The following RASSF3 variants were observed in gnomAD, a reference collection of about 807,000 sequenced individuals.
RASSF3 encodes Ras association domain family member 3, also known as ras association domain-containing protein 3.
Under a neutral mutation model 19.9 loss-of-function variants are expected in RASSF3, and 19 were observed. The observed-to-expected ratio is 0.96, with a 90% CI of 0.67 to 1.40. The LOEUF is 1.40. Among genes scored for constraint, RASSF3 ranks in the 40% most tolerant of loss-of-function variants. The pLI is 0.00. For synonymous variants in RASSF3, 110 were observed against 104.2 expected (o/e 1.06, Z -0.34); for missense variants, 306 against 289.8 (o/e 1.06, Z -0.41).
chr12:64,583,940 G>T (rs1281232835), intron 2 of RASSF3, among the ~76,000 whole-genome samples: 3 of 152,140 alleles, frequency 2.0e-5, no homozygotes, highest in African/African-American at 7.2e-5. Flanking sequence ...AGTGTTCCAG[G>T]CACTAATGCT....
chr12:64,693,414 A>ATT (rs71434058), intron 4 of RASSF3, among the ~76,000 whole-genome samples: 1 of 145,660 alleles, frequency 6.9e-6, no homozygotes, highest in African/African-American at 2.5e-5. Context: ...ATCTGTTTTA[A>ATT]TTTTTTTTTT....
chr12:64,568,617 T>C (rs1869469974), intron 2 of RASSF3, among the ~76,000 whole-genome samples: 1 of 152,136 alleles, frequency 6.6e-6, no homozygotes, highest in Non-Finnish European at 1.5e-5. Flanking sequence ...CCAGTCTGTT[T>C]GGTGGGGTTC....
chr12:64,514,432 A>G (rs1868348759), intron 1 of RASSF3, among the ~76,000 whole-genome samples: 1 of 151,364 alleles, frequency 6.6e-6, no homozygotes, highest in African/African-American at 2.4e-5. Flanking sequence ...TGATCTGTCC[A>G]CCTCAGCTTC....
At chr12:64,543,623 G>C (rs1219444986), downstream of RASSF3, among the ~76,000 whole-genome samples, 1 of 144,832 alleles carries the variant, frequency 6.9e-6, no homozygotes, top group Non-Finnish European at 1.5e-5. Flanking sequence ...CACTGCCCAA[G>C]GGCTGAGGAG....
intron 1 of RASSF3, among the ~76,000 whole-genome samples, chr12:64,682,411 A>C (rs1873164521): frequency 6.6e-6 from 1 of 151,962 alleles, no homozygotes. Flanking sequence ...CTCTACTAAA[A>C]ATACAATTAG....
chr12:64,660,137 C>T (rs1872305672), intron 1 of RASSF3, among the ~76,000 whole-genome samples: 1 of 151,812 alleles, frequency 6.6e-6, no homozygotes, highest in African/African-American at 2.4e-5. Context: ...AGGCTGATCT[C>T]AAACTCATGG....
chr12:64,574,222 A>G (rs1047070751), intron 2 of RASSF3, among the ~76,000 whole-genome samples: 5 of 151,612 alleles, frequency 3.3e-5, no homozygotes, highest in Admixed American at 6.6e-5. Context: ...GAGGCAGGAG[A>G]ATGGCTTGAA....
At chr12:64,642,163 G>T (rs541385385) in intron 1 of RASSF3, among the ~76,000 whole-genome samples, 22 of 152,194 alleles carry the variant, frequency 1.4e-4, no homozygotes, top group African/African-American at 5.1e-4. Context: ...AGCTCACCTG[G>T]TTATTTAAAT....
rs1473718166 is a variant in RASSF3, at chr12:64,507,163, GCT to G, written c.8_9del (p.Ser3CysfsTer18). ...GGGTGTTACTGTGCTCCTCATCCAT[GCT>G]CTCTGTAGCGAGTCATTCTGGAACA... On this transcript the variant is annotated frameshift_variant, in exon 1 of 6. Transcript: ENST00000637125. LOFTEE classifies it high-confidence loss of function. 2 of 398,494 alleles carry G rather than the reference GCT, an allele frequency of 5.0e-6. No individual in the cohort carries two copies. Among genetic ancestry groups the G allele is most frequent in the Non-Finnish European group, 8.8e-6 (2 of 226,070 alleles). The allele number at this position is 398,494 out of a possible 1,614,324, so 24.7% of individuals were successfully genotyped here. A position where few individuals can be genotyped will look rare whatever the true frequency, so the allele number is the denominator to read the frequency against.
At chr12:64,586,146 G>A (rs182334825) in intron 2 of RASSF3, among the ~76,000 whole-genome samples, 1 of 152,116 alleles carries the variant, frequency 6.6e-6, no homozygotes, top group Non-Finnish European at 1.5e-5. Flanking sequence ...CCAACATGGC[G>A]AAACCCTGTC....
intron 2 of RASSF3, among the ~76,000 whole-genome samples, chr12:64,569,783 T>A (rs903468094): frequency 6.6e-6 from 1 of 152,136 alleles, no homozygotes; most frequent in Non-Finnish European, 1.5e-5. Context: ...CTGACCAACA[T>A]GAAGAAACCT....
chr12:64,600,681 C>T (rs1290748099), intron 2 of RASSF3, among the ~76,000 whole-genome samples: 1 of 152,100 alleles, frequency 6.6e-6, no homozygotes, highest in African/African-American at 2.4e-5. Flanking sequence ...TTAACTGTGA[C>T]CTATATGTAC....
intron 1 of RASSF3, among the ~76,000 whole-genome samples, chr12:64,620,817 A>G (rs914537998): frequency 6.6e-6 from 1 of 152,128 alleles, no homozygotes; most frequent in Non-Finnish European, 1.5e-5. Context: ...ATTTATGTCT[A>G]TTTTTAAGTT....
chr12:64,659,206 T>C (rs1051268600), intron 1 of RASSF3, among the ~76,000 whole-genome samples: 2 of 152,224 alleles, frequency 1.3e-5, no homozygotes, highest in Admixed American at 6.5e-5. Context: ...ATCTGTTAAA[T>C]AAATTCTTTA....
chr12:64,599,889 G>A (rs57899263), intron 2 of RASSF3, among the ~76,000 whole-genome samples: 6,387 of 151,864 alleles, frequency 0.042, 463 homozygotes, highest in African/African-American at 0.15. Context: ...AAAATTAGCC[G>A]GGCGTGGTGG....
In RASSF3 at chr12:64,589,075, C is replaced by T. The variant is rs554200626; in HGVS notation, c.294+47370C>T. Among the ~76,000 whole-genome samples the T allele has an allele frequency of 2.0e-5, 3 of 152,318 alleles. No individual in the cohort carries two copies. In the East Asian group the frequency reaches 5.8e-4, roughly 29 times the overall value. ...AAAATAAAACAAAGTATTCAAATAA[C>T]ACCAAATATGCTACATAAATCAAAG... On this transcript the variant is annotated intron_variant, in intron 2 of 5. Coordinates refer to the RASSF3 transcript ENST00000637125.
intron 1 of RASSF3, among the ~76,000 whole-genome samples, chr12:64,520,169 C>CTT (rs34152736): frequency 0.028 from 3,831 of 134,878 alleles, 205 homozygotes; most frequent in African/African-American, 0.098. Context: ...TCATTTCTGA[C>CTT]TTTTTTTTTT....
chr12:64,550,052 A>G (rs923438618), intron 2 of RASSF3, among the ~76,000 whole-genome samples: 2 of 152,090 alleles, frequency 1.3e-5, no homozygotes, highest in African/African-American at 4.8e-5. Context: ...TGATTTTACA[A>G]AAGAAGAAAT....
At chr12:64,532,527 C>T (rs143870535), upstream of RASSF3, among the ~76,000 whole-genome samples, 184 of 152,134 alleles carry the variant, frequency 1.2e-3, no homozygotes, top group African/African-American at 4.2e-3. Flanking sequence ...TCATACTTAT[C>T]GCAACTCAGT....
Sources: gnomAD v4.1 joint callset for allele counts (sites outside exome capture counted in the v4.1 genomes callset) on GRCh38, gnomAD v4.1.1 for gene constraint, MANE v1.5 for transcripts, NCBI Gene and HGNC (gene_info 2026-07-23, HGNC 2026-07-21) for gene names.